The following RSRC1 variants were observed in gnomAD, a reference collection of about 807,000 sequenced individuals.
RSRC1 encodes arginine and serine rich coiled-coil 1, also known as serine/Arginine-related protein 53.
RSRC1 carries 39 observed loss-of-function variants against 49.1 expected under a neutral mutation model. The observed-to-expected ratio is 0.79, with a 90% CI of 0.61 to 1.04. RSRC1 has a LOEUF of 1.04. RSRC1 is among the 50% of genes least tolerant of loss of function. The probability of loss-of-function intolerance (pLI) is 0.00; values close to 1 mark genes in which losing one functional copy is unlikely to be tolerated. For synonymous variants in RSRC1, 143 were observed against 130.8 expected (o/e 1.09, Z -0.63); for missense variants, 388 against 402.4 (o/e 0.96, Z 0.31).
intron 5 of RSRC1, among the ~76,000 whole-genome samples, chr3:158,327,647 T>C (rs1199653841): frequency 6.6e-6 from 1 of 152,106 alleles, no homozygotes; most frequent in Non-Finnish European, 1.5e-5. Flanking sequence ...GTGCTTTACT[T>C]CCAACTATGT....
intron 6 of RSRC1, among the ~76,000 whole-genome samples, chr3:158,443,942 C>T (rs976744064): frequency 1.3e-5 from 2 of 152,110 alleles, no homozygotes; most frequent in African/African-American, 4.8e-5. Context: ...GACAGAGGAA[C>T]AGCCAGTTGG....
intron 6 of RSRC1, among the ~76,000 whole-genome samples, chr3:158,434,830 G>T (rs537733029): frequency 2.0e-5 from 3 of 152,068 alleles, no homozygotes; most frequent in Non-Finnish European, 4.4e-5. Flanking sequence ...TGAAGGCATT[G>T]CCTTGAACAA....
At chr3:158,169,356 T>G (rs1018525080) in intron 3 of RSRC1, among the ~76,000 whole-genome samples, 1 of 152,120 alleles carries the variant, frequency 6.6e-6, no homozygotes, top group African/African-American at 2.4e-5. Flanking sequence ...CCTGCTATAG[T>G]TTACTGATTA....
intron 6 of RSRC1, among the ~76,000 whole-genome samples, chr3:158,415,764 G>C (rs890995093): frequency 2.0e-5 from 3 of 151,794 alleles, no homozygotes; most frequent in African/African-American, 7.3e-5. Context: ...TGATGAGCCT[G>C]GCAAGACTAA....
intron 6 of RSRC1, among the ~76,000 whole-genome samples, chr3:158,400,877 T>C (rs1439747546): frequency 1.3e-5 from 2 of 152,018 alleles, no homozygotes; most frequent in Admixed American, 1.3e-4. Context: ...AATTAACCGC[T>C]CATTGACTCA....
chr3:158,156,469 T>C (rs1717885588), intron 3 of RSRC1, among the ~76,000 whole-genome samples: 1 of 152,208 alleles, frequency 6.6e-6, no homozygotes, highest in African/African-American at 2.4e-5. Context: ...TGAGAACTTT[T>C]CCTTCGCATT....
intron 4 of RSRC1, among the ~76,000 whole-genome samples, chr3:158,279,066 G>A (rs73166374): frequency 0.12 from 18,342 of 152,094 alleles, 1,378 homozygotes; most frequent in Middle Eastern, 0.19. Context: ...ACAGTTGAAG[G>A]CTCCTTTTCT....
At chr3:158,141,044 AAATC>A (rs763930438) in intron 3 of RSRC1, among the ~76,000 whole-genome samples, 1 of 152,204 alleles carries the variant, frequency 6.6e-6, no homozygotes, top group Non-Finnish European at 1.5e-5. Flanking sequence ...TGCTTTTTAA[AAATC>A]AAAGCTTTTT....
chr3:158,544,494 G>A lies in RSRC1; in HGVS notation c.*219G>A. 1 of 342,332 alleles carries A rather than the reference G, an allele frequency of 2.9e-6. No individual in the cohort carries two copies. Among genetic ancestry groups the A allele is most frequent in the African/African-American group, 2.1e-5 (1 of 46,956 alleles). 21.2% of individuals were successfully genotyped at this position (342,332 alleles called of 1,614,324 possible). On this transcript the variant is annotated 3_prime_UTR_variant, in exon 10 of 10. Transcript: ENST00000611884. ...ACAAAATTTAAGATTGCATGAAAAT[G>A]TTATACTGTTAATAAAGCTAAACAT...
intron 4 of RSRC1, among the ~76,000 whole-genome samples, chr3:158,282,545 T>G (rs1010410368): frequency 2.0e-5 from 3 of 152,238 alleles, no homozygotes; most frequent in African/African-American, 7.2e-5. Context: ...CTAAATGCAG[T>G]ATGCTGAGCA....
chr3:158,428,558 T>C (rs909616241), intron 6 of RSRC1, among the ~76,000 whole-genome samples: 2 of 151,856 alleles, frequency 1.3e-5, no homozygotes, highest in African/African-American at 4.8e-5. Flanking sequence ...AAATCATTCA[T>C]TGAATCAGTT....
chr3:158,305,887 G>C (rs1427118871), intron 5 of RSRC1, among the ~76,000 whole-genome samples: 1 of 151,950 alleles, frequency 6.6e-6, no homozygotes, highest in Admixed American at 6.6e-5. Flanking sequence ...CTTACTCATA[G>C]CGTTGTTAAA....
In RSRC1 at chr3:158,257,037, AT is replaced by A. The variant is rs535789919; in HGVS notation, c.495-40994del. Among the ~76,000 whole-genome samples the A allele has an allele frequency of 5.7e-3, 871 of 151,698 alleles. 10 individuals are homozygous for A. Among genetic ancestry groups the A allele is most frequent in the South Asian group, 6.7e-3 (32 of 4,778 alleles). ...AAAAAACCAGCTCCTGGTTTCATTG[AT>A]TTTTTTTGAAGGGTTTTTTGTGTCT... On this transcript the variant is annotated intron_variant, in intron 4 of 9. Coordinates refer to ENST00000611884, the MANE Select transcript of RSRC1 (RefSeq NM_001271838.2).
intron 4 of RSRC1, among the ~76,000 whole-genome samples, chr3:158,212,032 T>C (rs1721705082): frequency 6.6e-6 from 1 of 151,908 alleles, no homozygotes; most frequent in South Asian, 2.1e-4. Context: ...TATTCCTAAC[T>C]CCTCAAGAGT....
In RSRC1 at chr3:158,358,489, TCAC is replaced by T. The variant is rs1352004390; in HGVS notation, c.583+3585_583+3587del. Among the ~76,000 whole-genome samples the T allele has an allele frequency of 2.0e-5, 3 of 152,194 alleles. No individual in the cohort carries two copies. In the East Asian group the frequency reaches 5.8e-4, roughly 29 times the overall value. On this transcript the variant is annotated intron_variant, in intron 6 of 9. Transcript: ENST00000611884. ...TAGTGGAAAGATCCTAAGCCTGCCA[TCAC>T]CACTTGTTCTGTAACTTTGAGCAGT...
At chr3:158,259,184 C>G (rs1216776107) in intron 4 of RSRC1, among the ~76,000 whole-genome samples, 2 of 152,116 alleles carry the variant, frequency 1.3e-5, no homozygotes, top group Admixed American at 6.5e-5. Context: ...CCTTCACAGT[C>G]TGGACTTGTT....
At chr3:158,524,683 T>C (rs150785779) in intron 7 of RSRC1, among the ~76,000 whole-genome samples, 28 of 152,126 alleles carry the variant, frequency 1.8e-4, no homozygotes, top group Non-Finnish European at 3.8e-4. Flanking sequence ...TTCCATGAAC[T>C]TTTTAAGACC....
chr3:158,500,925 C>G (rs1337359747), intron 7 of RSRC1, among the ~76,000 whole-genome samples: 1 of 151,594 alleles, frequency 6.6e-6, no homozygotes. Context: ...TTTCTTGTTT[C>G]TCTAGTTCCT....
chr3:158,126,570 C>T (rs1341375323), intron 3 of RSRC1, among the ~76,000 whole-genome samples: 1 of 152,106 alleles, frequency 6.6e-6, no homozygotes, highest in Non-Finnish European at 1.5e-5. Flanking sequence ...ATTTTTTATA[C>T]TGTCATCTTT....
Sources: allele counts gnomAD v4.1 joint callset (sites outside exome capture counted in the v4.1 genomes callset), GRCh38; gene constraint gnomAD v4.1.1; transcripts MANE v1.5; gene names NCBI Gene and HGNC (gene_info 2026-07-23, HGNC 2026-07-21).